Variants in SCN9A observed in about 807,000 individuals in gnomAD.
The protein encoded by SCN9A is sodium channel protein type 9 subunit alpha.
In SCN9A, 131 loss-of-function variants were observed where a neutral mutation model predicts 187.0. The observed-to-expected ratio is 0.70, with a 90% CI of 0.61 to 0.81. The LOEUF (loss-of-function observed/expected upper bound fraction) is 0.81, where lower values mean the gene tolerates loss of function less well. Ranked by LOEUF, SCN9A falls within the 30% of genes least tolerant of loss-of-function variation. SCN9A has a pLI of 0.00. For synonymous variants in SCN9A, 809 were observed against 808.6 expected (o/e 1.00, Z -0.01); for missense variants, 2,252 against 2,396.6 (o/e 0.94, Z 1.26).
chr2:166,312,732 A>G (rs748190208), intron 1 of SCN9A, among the ~76,000 whole-genome samples: 16 of 152,166 alleles, frequency 1.1e-4, no homozygotes, highest in Non-Finnish European at 2.9e-5. Flanking sequence ...GCATGAAAAT[A>G]ACATTAATGC....
At chr2:166,287,326 A>G (rs1474306672) in intron 10 of SCN9A, among the ~76,000 whole-genome samples, 1 of 152,050 alleles carries the variant, frequency 6.6e-6, no homozygotes, top group Non-Finnish European at 1.5e-5. Context: ...TAAAATTGAG[A>G]TTGTATCGGA....
Position 166,199,876 on chromosome 2 carries a change from G to A in SCN9A, c.4775-12C>T, listed in dbSNP as rs187224036. 4.4e-6 allele frequency: 7 copies of A among 1,577,466 alleles called. No homozygotes were observed. The highest frequency in any genetic ancestry group is 6.1e-6 in the Non-Finnish European group (7 of 1,156,088). ...AGCTAGAAACATACCTGTATGTGGA[G>A]GAAAATAATAGAAATAAAATATTTA... On this transcript the variant is annotated splice_polypyrimidine_tract_variant and intron_variant, in intron 26 of 26. Transcript: ENST00000642356.
chr2:166,228,287 C>T (rs868769097), intron 22 of SCN9A, among the ~76,000 whole-genome samples: 6 of 124,100 alleles, frequency 4.8e-5, no homozygotes, highest in Middle Eastern at 5.0e-3. Context: ...ACAAGAGTCT[C>T]GCTCTGTAGC....
At chr2:166,348,351 A>T (rs962728355) in intron 1 of SCN9A, among the ~76,000 whole-genome samples, 2 of 152,118 alleles carry the variant, frequency 1.3e-5, no homozygotes, top group Non-Finnish European at 2.9e-5. Context: ...CATTTAAATG[A>T]TTGCCAGTCA....
intron 1 of SCN9A, among the ~76,000 whole-genome samples, chr2:166,333,531 A>G (rs1452008990): frequency 1.3e-5 from 2 of 152,132 alleles, no homozygotes; most frequent in Admixed American, 6.6e-5. Context: ...GAACATGTTC[A>G]GTGTTAGCCT....
intron 7 of SCN9A, chr2:166,298,552 G>T (rs532216191): frequency 2.2e-4 from 34 of 152,288 alleles, no homozygotes; most frequent in African/African-American, 7.2e-4. Context: ...ACCAGAAAAT[G>T]CTTTTAGATT....
intron 1 of SCN9A, among the ~76,000 whole-genome samples, chr2:166,360,584 G>A (rs963470953): frequency 1.3e-5 from 2 of 152,182 alleles, no homozygotes; most frequent in Non-Finnish European, 2.9e-5. Flanking sequence ...TTAGGAGAAA[G>A]TGCATAGTAA....
intron 1 of SCN9A, among the ~76,000 whole-genome samples, chr2:166,374,017 T>A (rs1220226797): frequency 6.6e-6 from 1 of 152,224 alleles, no homozygotes; most frequent in Non-Finnish European, 1.5e-5. Flanking sequence ...CTATTTTGCT[T>A]CTGAAACTCA....
chr2:166,344,260 C>G (rs1699851237), intron 1 of SCN9A, among the ~76,000 whole-genome samples: 1 of 151,768 alleles, frequency 6.6e-6, no homozygotes, highest in Admixed American at 6.6e-5. Context: ...TACTAAAAAG[C>G]CTTATAAAGT....
intron 17 of SCN9A, chr2:166,259,292 G>A (rs936555758): frequency 1.3e-5 from 2 of 151,680 alleles, no homozygotes; most frequent in African/African-American, 4.8e-5. Context: ...TTACCCCTGT[G>A]AGAAGAAGGT....
At chr2:166,303,616 G>T (rs1357555962) in intron 6 of SCN9A, among the ~76,000 whole-genome samples, 1 of 151,974 alleles carries the variant, frequency 6.6e-6, no homozygotes, top group Non-Finnish European at 1.5e-5. Context: ...TCTATAAATG[G>T]CACCAAAACA....
intron 16 of SCN9A, among the ~76,000 whole-genome samples, chr2:166,274,920 T>C (rs1188932994): frequency 1.3e-5 from 2 of 152,176 alleles, no homozygotes; most frequent in African/African-American, 2.4e-5. Context: ...GCATTTTATT[T>C]AACCTTATTG....
At chr2:166,358,284 G>T (rs902286641) in intron 1 of SCN9A, among the ~76,000 whole-genome samples, 2 of 151,872 alleles carry the variant, frequency 1.3e-5, no homozygotes, top group Non-Finnish European at 2.9e-5. Flanking sequence ...TGGCCAGGCT[G>T]GTCTCCAACT....
chr2:166,310,432 GT>G lies in SCN9A; in HGVS notation c.258+1066del, dbSNP rs1398067870. Among the ~76,000 whole-genome samples the G allele has an allele frequency of 4.8e-5, 4 of 82,598 alleles. 1 individual carries two copies. The East Asian group carries it at 1.0e-3, about 21-fold the overall frequency. 54.2% of individuals were successfully genotyped at this position (82,598 alleles called of 152,430 possible). On this transcript the variant is annotated intron_variant, in intron 2 of 26. Transcript: ENST00000642356. ...AAAAAACAAACAACCCCATCAAAAA[GT>G]GGGCAAAGGACATGAACAGACACTT...
In SCN9A at chr2:166,366,456, C is replaced by CTATTGTGAA. The variant is rs1700419463; in HGVS notation, c.-51+9232_-51+9240dup. 2.6e-5 allele frequency among the ~76,000 whole-genome samples: 4 copies of CTATTGTGAA among 152,128 alleles called. No homozygotes were observed. The South Asian group carries it at 8.3e-4, about 32-fold the overall frequency. ...CATTTGGGTTGTTTTCATATTTTTG[C>CTATTGTGAA]TATTGTGAATAATGCTGCAGTAAAC... is the stretch of plus-strand genomic sequence containing the variant. On this transcript the variant is annotated intron_variant, in intron 1 of 26. Transcript: ENST00000642356.
At chr2:166,351,572 A>T (rs995856511) in intron 1 of SCN9A, among the ~76,000 whole-genome samples, 1 of 152,214 alleles carries the variant, frequency 6.6e-6, no homozygotes, top group Non-Finnish European at 1.5e-5. Context: ...CACTCTGATT[A>T]CATTTCCTGA....
chr2:166,282,710 A>G (rs976385288), intron 12 of SCN9A, among the ~76,000 whole-genome samples: 2 of 152,160 alleles, frequency 1.3e-5, no homozygotes, highest in African/African-American at 2.4e-5. Context: ...TTGTATAGGT[A>G]TAGTCATGCA....
At chr2:166,302,413 T>C (rs966630914) in intron 7 of SCN9A, 1 of 152,178 alleles carries the variant, frequency 6.6e-6, no homozygotes, top group South Asian at 2.1e-4. Flanking sequence ...TCTCATGTGG[T>C]ACCTACAGAA....
At chr2:166,340,144 CA>C (rs1699728444) in intron 1 of SCN9A, among the ~76,000 whole-genome samples, 1 of 152,070 alleles carries the variant, frequency 6.6e-6, no homozygotes, top group Non-Finnish European at 1.5e-5. Context: ...TGAGTGAAGA[CA>C]AAAGCCTCAA....
Sources: allele counts gnomAD v4.1 joint callset (sites outside exome capture counted in the v4.1 genomes callset), GRCh38; gene constraint gnomAD v4.1.1; transcripts MANE v1.5; gene names NCBI Gene and HGNC (gene_info 2026-07-23, HGNC 2026-07-21).